The following CNIH3 variants were observed in gnomAD, a reference collection of about 807,000 sequenced individuals.
The protein encoded by CNIH3 is cornichon family AMPA receptor auxiliary protein 3.
In CNIH3, 14 loss-of-function variants were observed where a neutral mutation model predicts 24.1. The observed-to-expected ratio is 0.58, with a 90% CI of 0.38 to 0.91. The LOEUF is 0.91. Ranked by LOEUF, CNIH3 falls within the 40% of genes least tolerant of loss-of-function variation. The pLI, the probability that CNIH3 is intolerant of heterozygous loss-of-function variation, is 0.00. For synonymous variants in CNIH3, 68 were observed against 73.8 expected (o/e 0.92, Z 0.40); for missense variants, 178 against 196.8 (o/e 0.90, Z 0.57).
At chr1:224,512,220 A>C (rs1231364219), upstream of CNIH3, among the ~76,000 whole-genome samples, 1 of 152,120 alleles carries the variant, frequency 6.6e-6, no homozygotes, top group Non-Finnish European at 1.5e-5. Context: ...ATGGTGGCTC[A>C]TGCCTGTGAT....
chr1:224,562,930 A>C (rs1402118523), intron 3 of CNIH3, among the ~76,000 whole-genome samples: 5 of 152,206 alleles, frequency 3.3e-5, no homozygotes, highest in Non-Finnish European at 7.3e-5. Flanking sequence ...GTGAGGAGCA[A>C]TAGAAGTTCC....
chr1:224,449,919 A>G (rs909878924), intron 1 of CNIH3, among the ~76,000 whole-genome samples: 2 of 151,940 alleles, frequency 1.3e-5, no homozygotes, highest in East Asian at 3.9e-4. Context: ...TATTTGCTGA[A>G]TGGATTCTTC....
intron 3 of CNIH3, among the ~76,000 whole-genome samples, chr1:224,722,536 A>G (rs1688776445): frequency 6.6e-6 from 1 of 152,074 alleles, no homozygotes; most frequent in African/African-American, 2.4e-5. Context: ...CATTTCTAAC[A>G]AGATCCCAGG....
chr1:224,723,753 A>G (rs1390973256), intron 3 of CNIH3, among the ~76,000 whole-genome samples: 1 of 152,218 alleles, frequency 6.6e-6, no homozygotes, highest in Non-Finnish European at 1.5e-5. Context: ...CCCAGGCCCC[A>G]GTGGTCAGCC....
intron 3 of CNIH3, among the ~76,000 whole-genome samples, chr1:224,601,537 T>G (rs1558199379): frequency 6.6e-6 from 1 of 152,142 alleles, no homozygotes; most frequent in Non-Finnish European, 1.5e-5. Flanking sequence ...CAGTTATTAT[T>G]TTAGAGAGAC....
chr1:224,567,700 T>A (rs769393249), intron 4 of CNIH3, among the ~76,000 whole-genome samples: 12 of 152,130 alleles, frequency 7.9e-5, no homozygotes, highest in Non-Finnish European at 1.8e-4. Context: ...AGCTTAGGGG[T>A]GTGGCTTCTC....
intron 3 of CNIH3, among the ~76,000 whole-genome samples, chr1:224,714,783 C>T (rs1688339986): frequency 6.6e-6 from 1 of 152,208 alleles, no homozygotes; most frequent in Non-Finnish European, 1.5e-5. Flanking sequence ...TACGCTAGGA[C>T]CCATGACAGC....
intron 1 of CNIH3, among the ~76,000 whole-genome samples, chr1:224,492,744 A>G (rs1459327386): frequency 6.6e-6 from 1 of 152,182 alleles, no homozygotes; most frequent in Admixed American, 6.5e-5. Flanking sequence ...CTGAGTCCCC[A>G]GTATAGAGTC....
chr1:224,693,432 T>G (rs1352826377), intron 3 of CNIH3, among the ~76,000 whole-genome samples: 2 of 152,234 alleles, frequency 1.3e-5, no homozygotes, highest in Non-Finnish European at 2.9e-5. Flanking sequence ...CACGAGTCCA[T>G]GGGTCATGTG....
chr1:224,634,439 C>G (rs774792300), intron 1 of CNIH3, among the ~76,000 whole-genome samples: 3 of 151,996 alleles, frequency 2.0e-5, no homozygotes, highest in South Asian at 4.2e-4. Flanking sequence ...CATGGTGGCA[C>G]GCGCCTGTAG....
chr1:224,479,978 G>A (rs1170945161), intron 1 of CNIH3, among the ~76,000 whole-genome samples: 4 of 152,088 alleles, frequency 2.6e-5, no homozygotes, highest in Admixed American at 6.5e-5. Flanking sequence ...TGGGGGCTTC[G>A]ACCCCACATT....
At chr1:224,563,499 A>G (rs148052104) in intron 3 of CNIH3, among the ~76,000 whole-genome samples, 7 of 113,304 alleles carry the variant, frequency 6.2e-5, no homozygotes, top group Non-Finnish European at 1.1e-4. Context: ...GTGTGTGTGT[A>G]TTCTAGCCTC....
intron 1 of CNIH3, among the ~76,000 whole-genome samples, chr1:224,664,114 G>A (rs1358656094): frequency 1.3e-5 from 2 of 152,152 alleles, no homozygotes; most frequent in Non-Finnish European, 2.9e-5. Context: ...AAAATTGGGG[G>A]TTTATATAGT....
chr1:224,504,016 A>G (rs946596328), intron 1 of CNIH3, among the ~76,000 whole-genome samples: 1 of 152,240 alleles, frequency 6.6e-6, no homozygotes, highest in African/African-American at 2.4e-5. Context: ...GTGGAGTTAA[A>G]TTATTCATTT....
intron 1 of CNIH3, among the ~76,000 whole-genome samples, chr1:224,457,161 C>T (rs1391848445): frequency 6.6e-6 from 1 of 152,046 alleles, no homozygotes; most frequent in African/African-American, 2.4e-5. Context: ...TGTGAGGAGT[C>T]AGTGGGAAGT....
At chr1:224,714,409 G>A (rs575379971) in intron 3 of CNIH3, among the ~76,000 whole-genome samples, 6 of 152,178 alleles carry the variant, frequency 3.9e-5, no homozygotes, top group Non-Finnish European at 8.8e-5. Context: ...ATGGGGAGTC[G>A]CCAGTGGTGG....
At chr1:224,697,827 C>T (rs1348225556) in intron 3 of CNIH3, among the ~76,000 whole-genome samples, 1 of 152,190 alleles carries the variant, frequency 6.6e-6, no homozygotes, top group African/African-American at 2.4e-5. Context: ...TTCTTGGTTG[C>T]ATTATCCAGT....
At position 224,500,600 on chromosome 1, in the gene CNIH3, G is replaced by T. The variant is rs569143493; in HGVS notation, n.204-15141G>T. 5.9e-5 allele frequency among the ~76,000 whole-genome samples: 9 copies of T among 152,240 alleles called. No homozygotes were observed. The South Asian group carries it at 1.9e-3, about 32-fold the overall frequency. ...AGGAGGGAGGATGGCTTGAACTCAG[G>T]GGGCGGAGGTTGCAGTGAGGCGAGA... On this transcript the variant is annotated intron_variant and non_coding_transcript_variant, in intron 1 of 5. Coordinates refer to the CNIH3 transcript ENST00000471578.
intron 1 of CNIH3, among the ~76,000 whole-genome samples, chr1:224,443,711 A>ATATT (rs1329474503): frequency 1.3e-5 from 2 of 149,454 alleles, no homozygotes; most frequent in East Asian, 3.9e-4. Context: ...ATATATATAT[A>ATATT]TTTTTTTAGG....
Sources: allele counts gnomAD v4.1 joint callset (sites outside exome capture counted in the v4.1 genomes callset), GRCh38; gene constraint gnomAD v4.1.1; transcripts MANE v1.5; gene names NCBI Gene and HGNC (gene_info 2026-07-23, HGNC 2026-07-21).